The following ASIC2 variants were observed in gnomAD, a reference collection of about 807,000 sequenced individuals.
ASIC2 encodes the protein acid-sensing ion channel 2.
In ASIC2, 25 loss-of-function variants were observed where a neutral mutation model predicts 57.3. The observed-to-expected ratio is 0.44, with a 90% CI of 0.32 to 0.61. The LOEUF (loss-of-function observed/expected upper bound fraction) is 0.61. Ranked by LOEUF, ASIC2 falls within the 20% of genes least tolerant of loss-of-function variation. The probability of loss-of-function intolerance (pLI) is 0.06; values close to 1 mark genes in which losing one functional copy is unlikely to be tolerated. For synonymous variants in ASIC2, 319 were observed against 307.5 expected (o/e 1.04, Z -0.39); for missense variants, 641 against 738.1 (o/e 0.87, Z 1.52).
At chr17:34,131,076 T>C (rs566113427) in intron 1 of ASIC2, among the ~76,000 whole-genome samples, 7 of 152,118 alleles carry the variant, frequency 4.6e-5, no homozygotes, top group Admixed American at 6.5e-5. Context: ...TGAGAATGAA[T>C]AGTAGGAACA....
At chr17:33,575,854 T>A (rs1441907521) in intron 1 of ASIC2, among the ~76,000 whole-genome samples, 1 of 152,078 alleles carries the variant, frequency 6.6e-6, no homozygotes, top group Non-Finnish European at 1.5e-5. Context: ...TCTTTAAACA[T>A]GCATGCCAAG....
chr17:33,938,448 T>G (rs1311788949), intron 1 of ASIC2, among the ~76,000 whole-genome samples: 1 of 152,210 alleles, frequency 6.6e-6, no homozygotes, highest in African/African-American at 2.4e-5. Flanking sequence ...AGCTCCCTTC[T>G]TCTGGAAAAG....
chr17:33,126,563 T>A (rs1366004372), intron 1 of ASIC2, among the ~76,000 whole-genome samples: 1 of 152,052 alleles, frequency 6.6e-6, no homozygotes, highest in Non-Finnish European at 1.5e-5. Flanking sequence ...GGTGGGGAGA[T>A]CACTTAGGGT....
In ASIC2 at chr17:33,266,148, C is replaced by T. The variant is rs895168582; in HGVS notation, c.708+25260G>A. ...CAATGCTATTCTCCAGAGACACCTA[C>T]CTTGACCACAAAACTTAACACAGTC... On this transcript the variant is annotated intron_variant, in intron 1 of 9. Transcript: ENST00000225823. Among the ~76,000 whole-genome samples, 4 of 152,200 alleles carry T rather than the reference C, an allele frequency of 2.6e-5. No homozygotes were observed. The East Asian group carries it at 7.7e-4, about 29-fold the overall frequency.
intron 1 of ASIC2, among the ~76,000 whole-genome samples, chr17:33,281,269 A>G (rs9911214): frequency 0.05 from 7,602 of 152,284 alleles, 584 homozygotes; most frequent in African/African-American, 0.16. Context: ...TTTCTTGGCT[A>G]GAATTGTAAC....
At chr17:33,777,142 G>A (rs1911307958) in intron 1 of ASIC2, among the ~76,000 whole-genome samples, 1 of 152,198 alleles carries the variant, frequency 6.6e-6, no homozygotes, top group South Asian at 2.1e-4. Flanking sequence ...TCCCCTTAGG[G>A]TCACCATCTT....
intron 3 of ASIC2, among the ~76,000 whole-genome samples, chr17:33,079,631 C>A (rs1459702451): frequency 6.6e-6 from 1 of 151,978 alleles, no homozygotes. Flanking sequence ...AGAGTGAGCA[C>A]TGGGGAGGCC....
chr17:33,863,349 C>T (rs144722879), intron 1 of ASIC2, among the ~76,000 whole-genome samples: 3 of 152,320 alleles, frequency 2.0e-5, no homozygotes, highest in African/African-American at 7.2e-5. Context: ...CCATATGATG[C>T]TTTTAGCCCT....
intron 3 of ASIC2, among the ~76,000 whole-genome samples, chr17:33,054,784 C>T (rs2091991172): frequency 1.3e-5 from 2 of 152,140 alleles, no homozygotes; most frequent in South Asian, 4.1e-4. Flanking sequence ...ATTTATTGAC[C>T]CTGATGAGAA....
At chr17:33,526,530 T>C (rs920594008) in intron 1 of ASIC2, among the ~76,000 whole-genome samples, 5 of 152,148 alleles carry the variant, frequency 3.3e-5, no homozygotes, top group African/African-American at 1.2e-4. Flanking sequence ...TGGGGCTTTC[T>C]CTCCACTTGT....
chr17:33,495,688 C>G (rs1287508880), intron 1 of ASIC2, among the ~76,000 whole-genome samples: 1 of 152,206 alleles, frequency 6.6e-6, no homozygotes, highest in East Asian at 1.9e-4. Flanking sequence ...GCCCCCCACC[C>G]TCCTGAAGCT....
At chr17:34,030,810 G>T (rs1481862958) in intron 1 of ASIC2, among the ~76,000 whole-genome samples, 1 of 152,204 alleles carries the variant, frequency 6.6e-6, no homozygotes, top group East Asian at 1.9e-4. Flanking sequence ...GCTGGGGGAG[G>T]GGCACCCGCA....
At chr17:34,138,078 C>G (rs535979345) in intron 1 of ASIC2, among the ~76,000 whole-genome samples, 2 of 152,288 alleles carry the variant, frequency 1.3e-5, no homozygotes, top group East Asian at 3.9e-4. Context: ...GAATACGAAA[C>G]TAACTCCTCC....
intron 1 of ASIC2, among the ~76,000 whole-genome samples, chr17:33,412,823 C>T (rs1504578): frequency 0.73 from 111,218 of 152,020 alleles, 40,877 homozygotes; most frequent in East Asian, 0.95. Flanking sequence ...TGAATTTGCA[C>T]GCAAAGAAGG....
At chr17:33,503,357 C>G (rs1011352329) in intron 1 of ASIC2, among the ~76,000 whole-genome samples, 4 of 152,158 alleles carry the variant, frequency 2.6e-5, no homozygotes, top group African/African-American at 9.7e-5. Context: ...GTCCCACCCC[C>G]CTTGCAAGAA....
At chr17:33,052,649 T>A (rs1299734583) in intron 3 of ASIC2, among the ~76,000 whole-genome samples, 1 of 151,948 alleles carries the variant, frequency 6.6e-6, no homozygotes, top group Non-Finnish European at 1.5e-5. Flanking sequence ...TCCCTGCTTG[T>A]TGGGGTCTTT....
chr17:33,896,920 T>A (rs1252173936), intron 1 of ASIC2, among the ~76,000 whole-genome samples: 4 of 152,214 alleles, frequency 2.6e-5, no homozygotes, highest in African/African-American at 7.2e-5. Context: ...ATCACTCTGC[T>A]TTCTACAAAA....
At chr17:33,076,175 A>G (rs1347705248) in intron 3 of ASIC2, among the ~76,000 whole-genome samples, 1 of 152,186 alleles carries the variant, frequency 6.6e-6, no homozygotes, top group African/African-American at 2.4e-5. Context: ...AAAACAGACA[A>G]AAATCTTTCA....
intron 1 of ASIC2, among the ~76,000 whole-genome samples, chr17:33,596,441 C>T (rs117582391): frequency 4.7e-4 from 72 of 152,226 alleles, no homozygotes; most frequent in Non-Finnish European, 9.1e-4. Context: ...TTTGATATAA[C>T]GGGGGAGAAA....
Sources: allele counts gnomAD v4.1 joint callset (sites outside exome capture counted in the v4.1 genomes callset), GRCh38; gene constraint gnomAD v4.1.1; transcripts MANE v1.5; gene names NCBI Gene and HGNC (gene_info 2026-07-23, HGNC 2026-07-21).